Variants in ELMO1 observed in about 807,000 individuals in gnomAD.
ELMO1 encodes engulfment and cell motility protein 1.
ELMO1 carries 26 observed loss-of-function variants against 98.9 expected under a neutral mutation model. The observed-to-expected ratio is 0.26, with a 90% CI of 0.19 to 0.36. ELMO1 has a LOEUF of 0.36. Among genes scored for constraint, ELMO1 ranks in the 10% least tolerant of loss-of-function variants. The probability of loss-of-function intolerance (pLI) is 1.00; values close to 1 mark genes in which losing one functional copy is unlikely to be tolerated. For missense variants in ELMO1, 627 were observed against 935.2 expected (o/e 0.67, Z 4.30); for synonymous variants, 346 against 346.0 (o/e 1.00, Z 0.00).
At chr7:37,433,520 C>T (rs187175524) in intron 1 of ELMO1, among the ~76,000 whole-genome samples, 1 of 152,256 alleles carries the variant, frequency 6.6e-6, no homozygotes, top group African/African-American at 2.4e-5. Context: ...GCCCACCAAA[C>T]TGCCAGACAC....
chr7:36,967,038 T>C (rs755245614), intron 16 of ELMO1, among the ~76,000 whole-genome samples: 65 of 152,222 alleles, frequency 4.3e-4, no homozygotes, highest in African/African-American at 1.5e-3. Flanking sequence ...TAGCTGCAGG[T>C]AGAATAAAGT....
At chr7:37,331,333 C>CTTTTTTTTTTTTTTTTTTTTTTTTTTTT (rs776303689) in intron 2 of ELMO1, among the ~76,000 whole-genome samples, 3 of 28,736 alleles carry the variant, frequency 1.0e-4, no homozygotes, top group African/African-American at 2.2e-4. Flanking sequence ...CCACGCCTGG[C>CTTTTTTTTTTTTTTTTTTTTTTTTTTTT]TTTTTTTTTT....
intron 1 of ELMO1, among the ~76,000 whole-genome samples, chr7:37,427,133 A>T (rs1804743876): frequency 6.6e-6 from 1 of 152,212 alleles, no homozygotes; most frequent in East Asian, 1.9e-4. Context: ...ATTCAAATCT[A>T]GTTTCTAGGC....
chr7:37,013,510 G>T, intron 15 of ELMO1, 75 bp from the exon 16 acceptor site: 1 of 1,508,862 alleles, frequency 6.6e-7, no homozygotes, highest in Non-Finnish European at 9.0e-7. Context: ...ACAGGTATGT[G>T]CCCCAAAGGG....
At chr7:37,173,509 A>G (rs999836156) in intron 13 of ELMO1, among the ~76,000 whole-genome samples, 1 of 152,134 alleles carries the variant, frequency 6.6e-6, no homozygotes, top group Non-Finnish European at 1.5e-5. Flanking sequence ...TAGTGAAGCT[A>G]CATTGCAAAA....
intron 16 of ELMO1, chr7:36,985,129 C>T (rs1791402085): frequency 5.1e-6 from 5 of 984,958 alleles, no homozygotes; most frequent in South Asian, 9.4e-5. Context: ...ATTTCATCAC[C>T]AGTGTCAGAA....
intron 16 of ELMO1, among the ~76,000 whole-genome samples, chr7:36,912,501 AT>A (rs1466401269): frequency 6.6e-6 from 1 of 152,136 alleles, no homozygotes; most frequent in Non-Finnish European, 1.5e-5. Context: ...ATCCAAACGG[AT>A]TTATTTTTGA....
At chr7:37,351,193 T>A (rs1169838203) in intron 1 of ELMO1, 1 of 152,242 alleles carries the variant, frequency 6.6e-6, no homozygotes, top group African/African-American at 2.4e-5. Flanking sequence ...ACAGAGAAGA[T>A]TAGCATGACC....
At chr7:37,365,043 T>C (rs1801849544) in intron 1 of ELMO1, among the ~76,000 whole-genome samples, 1 of 152,224 alleles carries the variant, frequency 6.6e-6, no homozygotes, top group African/African-American at 2.4e-5. Flanking sequence ...CGTTTCCATC[T>C]GAGCCTGCGG....
At chr7:37,341,618 TA>T (rs971600549) in intron 2 of ELMO1, among the ~76,000 whole-genome samples, 6 of 152,210 alleles carry the variant, frequency 3.9e-5, no homozygotes, top group African/African-American at 1.4e-4. Context: ...AGCTGACCCG[TA>T]TAATTCATTT....
rs1317968487 is a variant in ELMO1 at position 37,271,857 on chromosome 7, G to T, written c.218C>A (p.Thr73Asn). ...TGGAGATGTGGTTAATCGAAGGATA[G>T]TGCCATTTTTTATCTCATTGCGGTT... is the stretch of plus-strand genomic sequence containing the variant. ...EKNRNEIKNG[T>N]ILRLTTSPAQ... The change falls in exon 5 of 22, where the codon ACT (threonine) becomes AAT (asparagine). Residue 73 changes from threonine to asparagine, a missense_variant. By Grantham distance (65) the Thr-to-Asn change is moderately conservative. Coordinates refer to ENST00000310758, the MANE Select transcript of ELMO1 (RefSeq NM_014800.11). 2.5e-6 allele frequency: 4 copies of T among 1,613,890 alleles called. No individual in the cohort carries two copies. The highest frequency in any genetic ancestry group is 3.4e-6 in the Non-Finnish European group (4 of 1,180,000).
At chr7:37,104,223 C>T (rs1370963516) in intron 14 of ELMO1, among the ~76,000 whole-genome samples, 1 of 151,430 alleles carries the variant, frequency 6.6e-6, no homozygotes, top group Non-Finnish European at 1.5e-5. Flanking sequence ...TGATCTTATG[C>T]CTGAGTGAAG....
chr7:37,421,502 T>G lies in ELMO1; in HGVS notation c.-74+27173A>C, dbSNP rs190088065. On this transcript the variant is annotated intron_variant, in intron 1 of 21. Coordinates refer to ENST00000310758, the MANE Select transcript of ELMO1 (RefSeq NM_014800.11). Reference sequence around the variant, plus strand: ...AAGTTCCTTTGGGCCACGATTAAAGTTCTCACCCCAGATGCTATAAATCTT... The same window carrying G: ...AAGTTCCTTTGGGCCACGATTAAAGGTCTCACCCCAGATGCTATAAATCTT... Among the ~76,000 whole-genome samples, 3 of 152,300 alleles carry G rather than the reference T, an allele frequency of 2.0e-5. No individual in the cohort carries two copies. The East Asian group carries it at 5.8e-4, about 29-fold the overall frequency.
intron 16 of ELMO1, among the ~76,000 whole-genome samples, chr7:36,904,410 T>G (rs1361678703): frequency 6.6e-6 from 1 of 152,176 alleles, no homozygotes; most frequent in African/African-American, 2.4e-5. Flanking sequence ...CTCAGGCAGC[T>G]TCAAGCATCC....
At chr7:37,193,824 GCACA>G (rs1199888485) in intron 13 of ELMO1, among the ~76,000 whole-genome samples, 2 of 152,066 alleles carry the variant, frequency 1.3e-5, no homozygotes, top group Non-Finnish European at 2.9e-5. Flanking sequence ...GCACACACAT[GCACA>G]CACACTTGTG....
chr7:37,253,040 C>T (rs760332158), intron 6 of ELMO1, among the ~76,000 whole-genome samples: 19 of 152,208 alleles, frequency 1.2e-4, no homozygotes, highest in South Asian at 2.1e-4. Flanking sequence ...CCATCTCATG[C>T]CAGTTAGAAT....
chr7:36,944,133 T>C (rs1273476483), intron 16 of ELMO1, among the ~76,000 whole-genome samples: 1 of 152,154 alleles, frequency 6.6e-6, no homozygotes, highest in Admixed American at 6.5e-5. Context: ...ATAGATTAAC[T>C]ATTCCTCATG....
At chr7:37,196,871 T>C (rs895849759) in intron 13 of ELMO1, among the ~76,000 whole-genome samples, 5 of 152,194 alleles carry the variant, frequency 3.3e-5, no homozygotes, top group African/African-American at 1.2e-4. Context: ...ATACTGCATA[T>C]GGGAACTTTC....
chr7:36,903,882 A>G (rs1426155024), intron 16 of ELMO1, among the ~76,000 whole-genome samples: 5 of 152,130 alleles, frequency 3.3e-5, no homozygotes, highest in African/African-American at 1.2e-4. Flanking sequence ...CACGGATAGG[A>G]TTGGTACTCT....
Sources: allele counts gnomAD v4.1 joint callset (sites outside exome capture counted in the v4.1 genomes callset), GRCh38; gene constraint gnomAD v4.1.1; transcripts MANE v1.5; gene names NCBI Gene and HGNC (gene_info 2026-07-23, HGNC 2026-07-21).